Variants in PPP1R1C observed in about 807,000 individuals in gnomAD.
PPP1R1C encodes protein phosphatase 1 regulatory subunit 1C.
In PPP1R1C, 15 loss-of-function variants were observed where a neutral mutation model predicts 17.4. The observed-to-expected ratio is 0.86, with a 90% CI of 0.58 to 1.33. The LOEUF (loss-of-function observed/expected upper bound fraction) is 1.33. Among genes scored for constraint, PPP1R1C ranks in the 40% most tolerant of loss-of-function variants. The pLI is 0.00. For missense variants in PPP1R1C, 143 were observed against 130.0 expected, an observed-to-expected ratio of 1.10 and a Z score of -0.48; for synonymous variants, 35 against 43.1, an observed-to-expected ratio of 0.81 and a Z score of 0.73.
chr2:182,069,634 C>G (rs1688085918), intron 4 of PPP1R1C, among the ~76,000 whole-genome samples: 1 of 152,132 alleles, frequency 6.6e-6, no homozygotes, highest in Non-Finnish European at 1.5e-5. Context: ...CTTAATTAAT[C>G]TCATGTGATG....
At chr2:182,085,389 A>C (rs2125216613) in intron 4 of PPP1R1C, among the ~76,000 whole-genome samples, 1 of 152,260 alleles carries the variant, frequency 6.6e-6, no homozygotes, top group South Asian at 2.1e-4. Flanking sequence ...TCTCTAAAAA[A>C]GTAAAATGTT....
chr2:182,046,723 G>A (rs1476171279), intron 2 of PPP1R1C, among the ~76,000 whole-genome samples: 1 of 150,566 alleles, frequency 6.6e-6, no homozygotes, highest in Non-Finnish European at 1.5e-5. Flanking sequence ...TGGCAACAGA[G>A]CGAGTCTCTG....
intron 2 of PPP1R1C, among the ~76,000 whole-genome samples, chr2:182,014,731 T>C (rs1411967411): frequency 6.6e-6 from 1 of 151,966 alleles, no homozygotes. Flanking sequence ...TCCTTTCTAC[T>C]GTGGCTGAGC....
chr2:182,113,635 T>C (rs967190229), intron 4 of PPP1R1C, among the ~76,000 whole-genome samples: 4 of 151,948 alleles, frequency 2.6e-5, no homozygotes, highest in African/African-American at 9.7e-5. Context: ...CTAAAATCCC[T>C]AACTATAATT....
At chr2:182,065,817 G>C (rs1474931847) in intron 4 of PPP1R1C, among the ~76,000 whole-genome samples, 3 of 152,160 alleles carry the variant, frequency 2.0e-5, no homozygotes, top group Non-Finnish European at 4.4e-5. Flanking sequence ...TTAAATGACA[G>C]ATATCTAAAT....
rs184342150 is a variant in PPP1R1C at position 182,032,624 on chromosome 2, T to A, written c.143-28818T>A. Among the ~76,000 whole-genome samples the A allele has an allele frequency of 5.3e-5, 8 of 152,262 alleles. No individual in the cohort carries two copies. In the East Asian group the frequency reaches 1.2e-3, roughly 22 times the overall value. ...CCATTCGTGCTGAAAGGCAGTATAG[T>A]TAGCAGTGTGGGCTCAAAGTTAGAC... is the stretch of plus-strand genomic sequence containing the variant. On this transcript the variant is annotated intron_variant, in intron 2 of 4. Transcript: ENST00000682840.
intron 4 of PPP1R1C, among the ~76,000 whole-genome samples, chr2:182,113,801 A>T (rs1290832156): frequency 1.3e-5 from 2 of 152,064 alleles, no homozygotes; most frequent in African/African-American, 4.8e-5. Context: ...TTTTCTTACA[A>T]ATTTTGTGTT....
chr2:182,080,339 A>C (rs897913274), intron 4 of PPP1R1C, among the ~76,000 whole-genome samples: 1 of 152,206 alleles, frequency 6.6e-6, no homozygotes, highest in African/African-American at 2.4e-5. Context: ...TGTAAATGGT[A>C]TCACTATCCC....
chr2:182,037,703 T>G (rs1687053839), intron 2 of PPP1R1C, among the ~76,000 whole-genome samples: 1 of 152,212 alleles, frequency 6.6e-6, no homozygotes, highest in African/African-American at 2.4e-5. Flanking sequence ...GTAATCATGA[T>G]GTTTATGAAC....
chr2:182,072,117 C>A (rs908907590), intron 4 of PPP1R1C, among the ~76,000 whole-genome samples: 3 of 152,142 alleles, frequency 2.0e-5, no homozygotes, highest in African/African-American at 7.2e-5. Context: ...TTAATGTAGG[C>A]GCTATCAGTA....
intron 2 of PPP1R1C, among the ~76,000 whole-genome samples, chr2:182,061,023 C>T (rs545757845): frequency 6.6e-6 from 1 of 152,132 alleles, no homozygotes; most frequent in South Asian, 2.1e-4. Flanking sequence ...GGTGATTGGA[C>T]TGAGTGGGAA....
At chr2:182,009,246 A>G (rs1282414764) in intron 2 of PPP1R1C, among the ~76,000 whole-genome samples, 7 of 152,114 alleles carry the variant, frequency 4.6e-5, no homozygotes, top group African/African-American at 1.7e-4. Context: ...CATTCCCACC[A>G]GCAGCATGTG....
intron 2 of PPP1R1C, among the ~76,000 whole-genome samples, chr2:181,990,382 A>G (rs1153746): frequency 0.5 from 76,609 of 151,738 alleles, 19,630 homozygotes; most frequent in South Asian, 0.65. Context: ...TGACCTCGCT[A>G]TCCGCCCGCC....
intron 2 of PPP1R1C, among the ~76,000 whole-genome samples, chr2:182,025,040 C>G (rs1448062607): frequency 6.0e-5 from 9 of 149,766 alleles, no homozygotes. Flanking sequence ...CCAATCTCTG[C>G]ACATAACAAA....
At chr2:182,113,818 A>T (rs867430628) in intron 4 of PPP1R1C, among the ~76,000 whole-genome samples, 5 of 152,188 alleles carry the variant, frequency 3.3e-5, no homozygotes, top group Admixed American at 1.3e-4. Flanking sequence ...TGTTATCTAC[A>T]AATGTAATGA....
intron 1 of PPP1R1C, among the ~76,000 whole-genome samples, chr2:181,956,695 T>A (rs1415911477): frequency 1.3e-5 from 2 of 152,362 alleles, no homozygotes; most frequent in Non-Finnish European, 2.9e-5. Flanking sequence ...AATGTCTTCT[T>A]TTGAAAAGTA....
chr2:182,004,768 G>A lies in PPP1R1C; in HGVS notation c.142+16869G>A, dbSNP rs16822340. 3.8e-3 allele frequency among the ~76,000 whole-genome samples: 585 copies of A among 152,302 alleles called. 3 individuals carry two copies. The highest frequency in any genetic ancestry group is 0.013 in the African/African-American group (550 of 41,560). The stretch of plus-strand genomic sequence containing the variant: ...CATGCTCATTTTTTATTTTAAGAAG[G>A]TCCCTGTGGCTGCAGAAAAAGAAAC... On this transcript the variant is annotated intron_variant, in intron 2 of 4. Transcript: ENST00000682840.
intron 2 of PPP1R1C, among the ~76,000 whole-genome samples, chr2:182,032,984 T>C (rs1321311163): frequency 6.6e-6 from 1 of 152,230 alleles, no homozygotes; most frequent in Non-Finnish European, 1.5e-5. Flanking sequence ...TATTTCATTT[T>C]AGCCTGTTGC....
chr2:182,078,272 G>A (rs1323897076), intron 4 of PPP1R1C, among the ~76,000 whole-genome samples: 2 of 152,112 alleles, frequency 1.3e-5, no homozygotes, highest in Non-Finnish European at 2.9e-5. Flanking sequence ...ATTAAATTGT[G>A]AGCCACCTTA....
Sources: gnomAD v4.1 joint callset for allele counts (sites outside exome capture counted in the v4.1 genomes callset) on GRCh38, gnomAD v4.1.1 for gene constraint, MANE v1.5 for transcripts, NCBI Gene and HGNC (gene_info 2026-07-23, HGNC 2026-07-21) for gene names.